The following TRIM36 variants were observed in gnomAD, a reference collection of about 807,000 sequenced individuals.
TRIM36 encodes the protein tripartite motif containing 36.
TRIM36 carries 42 observed loss-of-function variants against 72.4 expected under a neutral mutation model. The observed-to-expected ratio is 0.58, with a 90% CI of 0.45 to 0.75. The LOEUF (loss-of-function observed/expected upper bound fraction) is 0.75. Among genes scored for constraint, TRIM36 ranks in the 30% least tolerant of loss-of-function variants. The pLI is 0.00. For missense variants in TRIM36, 913 were observed against 857.1 expected, an observed-to-expected ratio of 1.07 and a Z score of -0.81; for synonymous variants, 315 against 282.8, an observed-to-expected ratio of 1.11 and a Z score of -1.14.
chr5:115,147,526 A>C, intron 2 of TRIM36, 132 bp from the exon 3 acceptor site: 4 of 1,083,816 alleles, frequency 3.7e-6, no homozygotes, highest in Non-Finnish European at 5.2e-6. Context: ...GCTCCACGTG[A>C]AATTTGTATT....
chr5:115,124,926 C>T lies in TRIM36; in HGVS notation c.*1577G>A, dbSNP rs1752306193. 6.6e-6 allele frequency: 1 copy of T among 152,440 alleles called. No homozygotes were observed. Among genetic ancestry groups the T allele is most frequent in the South Asian group, 2.1e-4 (1 of 4,824 alleles). The allele number at this position is 152,440 out of a possible 1,614,324, so 9.4% of individuals were successfully genotyped here. ...GCTTGAGTATCAACCACAAATGTGA[C>T]TTTAGCAGCTTTATTGCATAATGAT... On this transcript the variant is annotated 3_prime_UTR_variant, in exon 10 of 10. Coordinates refer to ENST00000513154, the MANE Select transcript of TRIM36 (RefSeq NM_001300759.2).
chr5:115,127,576 T>C (rs1318917978), intron 9 of TRIM36, among the ~76,000 whole-genome samples: 1 of 152,140 alleles, frequency 6.6e-6, no homozygotes, highest in Middle Eastern at 3.2e-3. Flanking sequence ...AATAAATTCA[T>C]TCATTCATTC....
intron 2 of TRIM36, chr5:115,149,569 GAAAAAAAA>G (rs748596152): frequency 8.8e-4 from 17 of 19,274 alleles, no homozygotes; most frequent in African/African-American, 2.8e-3. Flanking sequence ...TCAGAAATTT[GAAAAAAAA>G]AAAAAAAAAA....
intron 8 of TRIM36, among the ~76,000 whole-genome samples, chr5:115,131,557 G>A (rs1346769113): frequency 6.6e-6 from 1 of 152,112 alleles, no homozygotes; most frequent in Non-Finnish European, 1.5e-5. Flanking sequence ...AGCCAATGGG[G>A]AAACAACAGA....
chr5:115,160,438 CA>C (rs1216502863), intron 2 of TRIM36, among the ~76,000 whole-genome samples: 2 of 152,174 alleles, frequency 1.3e-5, no homozygotes, highest in African/African-American at 2.4e-5. Flanking sequence ...TAACTCACAG[CA>C]TATCTCAATT....
At chr5:115,151,445 A>G (rs1753890264) in intron 2 of TRIM36, among the ~76,000 whole-genome samples, 1 of 151,640 alleles carries the variant, frequency 6.6e-6, no homozygotes, top group African/African-American at 2.4e-5. Context: ...TTCCCTACCT[A>G]CCCTGGTAAC....
chr5:115,130,414 C>T (rs2112769161), intron 9 of TRIM36, among the ~76,000 whole-genome samples, 178 bp downstream of exon 9: 1 of 152,276 alleles, frequency 6.6e-6, no homozygotes. Flanking sequence ...TAACTGCTAA[C>T]TCTCCTTATT....
At chr5:115,129,845 G>A (rs1039442069) in intron 9 of TRIM36, among the ~76,000 whole-genome samples, 1 of 151,850 alleles carries the variant, frequency 6.6e-6, no homozygotes, top group African/African-American at 2.4e-5. Flanking sequence ...ATATATTTTG[G>A]ATAATACTGC....
chr5:115,167,860 C>T (rs773416559), intron 1 of TRIM36, among the ~76,000 whole-genome samples: 1 of 152,140 alleles, frequency 6.6e-6, no homozygotes, highest in Non-Finnish European at 1.5e-5. Flanking sequence ...AAAGAAATAC[C>T]CAAGAGTGGC....
chr5:115,154,217 G>T (rs970713533), intron 2 of TRIM36, among the ~76,000 whole-genome samples: 1 of 151,690 alleles, frequency 6.6e-6, no homozygotes, highest in Non-Finnish European at 1.5e-5. Context: ...AGCCCTAAAC[G>T]CCTACATGAA....
chr5:115,150,809 C>G (rs1339645550), intron 2 of TRIM36, among the ~76,000 whole-genome samples: 2 of 152,186 alleles, frequency 1.3e-5, no homozygotes, highest in African/African-American at 4.8e-5. Context: ...AGATTTTGAC[C>G]TTACCTGGAG....
chr5:115,157,012 A>T (rs1256367830), intron 2 of TRIM36, among the ~76,000 whole-genome samples: 1 of 152,218 alleles, frequency 6.6e-6, no homozygotes, highest in Non-Finnish European at 1.5e-5. Context: ...GGACATGAAT[A>T]GACAATTCTC....
chr5:115,166,647 TG>T (rs1215059795), intron 1 of TRIM36, among the ~76,000 whole-genome samples: 2 of 152,194 alleles, frequency 1.3e-5, no homozygotes, highest in Non-Finnish European at 2.9e-5. Context: ...TAACACAAAC[TG>T]TGTCAAATAC....
At chr5:115,138,901 C>T (rs1300404055) in intron 5 of TRIM36, among the ~76,000 whole-genome samples, 7 of 152,160 alleles carry the variant, frequency 4.6e-5, no homozygotes, top group East Asian at 1.9e-4. Flanking sequence ...CTGCAAGCTC[C>T]GCCTCCAAGG....
rs1441864533 is a variant in TRIM36, at chr5:115,137,591, T to G, written c.857A>C (p.Glu286Ala). The G allele has an allele frequency of 6.2e-7, 1 of 1,610,886 alleles. No individual in the cohort carries two copies. Among genetic ancestry groups the G allele is most frequent in the African/African-American group, 1.3e-5 (1 of 74,730 alleles). ...GAGCTTTTCAAAATGTGTAATTGCTTCTTCTTTAGCCCTCTCTCCATTACA... is the reference window on the plus strand; with the variant it reads ...GAGCTTTTCAAAATGTGTAATTGCTGCTTCTTTAGCCCTCTCTCCATTACA... ...TECNGERAKE[E>A]AITHFEKLFE... is the part of the protein sequence containing the mutation. The change falls in exon 6 of 10, where the codon GAA becomes GCA. Residue 286 changes from glutamate (E) to alanine (A), a missense_variant. Transcript: ENST00000513154.
chr5:115,138,482 AT>A (rs1390572856), intron 5 of TRIM36, among the ~76,000 whole-genome samples: 1 of 152,218 alleles, frequency 6.6e-6, no homozygotes, highest in Non-Finnish European at 1.5e-5. Context: ...TCACTTTAAT[AT>A]AATTATAATT....
intron 1 of TRIM36, among the ~76,000 whole-genome samples, chr5:115,178,429 A>G (rs1030423695): frequency 6.6e-6 from 1 of 152,112 alleles, no homozygotes; most frequent in Admixed American, 6.5e-5. Context: ...CTCGCTCTTT[A>G]GAGGCCGTGG....
At chr5:115,143,907 G>C (rs1023388393) in intron 4 of TRIM36, among the ~76,000 whole-genome samples, 1 of 152,070 alleles carries the variant, frequency 6.6e-6, no homozygotes, top group African/African-American at 2.4e-5. Flanking sequence ...GTCTCACTCT[G>C]TCACCCAGGC....
chr5:115,137,681 C>T (rs1753036782), intron 5 of TRIM36, 65 bp from the exon 6 acceptor site: 15 of 1,472,876 alleles, frequency 1.0e-5, no homozygotes, highest in Non-Finnish European at 1.3e-5. Context: ...CTGCTAAACC[C>T]AAATGGCTTT....
Sources: gnomAD v4.1 joint callset for allele counts (sites outside exome capture counted in the v4.1 genomes callset) on GRCh38, gnomAD v4.1.1 for gene constraint, MANE v1.5 for transcripts, NCBI Gene and HGNC (gene_info 2026-07-23, HGNC 2026-07-21) for gene names.